Variants in ENOX2 observed in about 807,000 individuals in gnomAD.
ENOX2 encodes APK1 antigen.
ENOX2 carries 36 observed loss-of-function variants against 45.0 expected under a neutral mutation model. The ratio of observed to expected loss-of-function variants is 0.80; its 90% CI spans 0.61 to 1.06. The LOEUF (loss-of-function observed/expected upper bound fraction) is 1.06. Ranked by LOEUF, ENOX2 falls within the 50% of genes least tolerant of loss-of-function variation. The pLI, the probability that ENOX2 is intolerant of heterozygous loss-of-function variation, is 0.00. For synonymous variants in ENOX2, 174 were observed against 152.3 expected, an observed-to-expected ratio of 1.14 and a Z score of -1.05; for missense variants, 423 against 462.5, an observed-to-expected ratio of 0.91 and a Z score of 0.78.
Position 130,901,051 on chromosome X carries a change from G to A in ENOX2, c.-183+633C>T, listed in dbSNP as rs1405267896. ...AGAATCATCTAATTCAGAAATAGCC[G>A]TACTGACTATGGTTTTGGCAGACAC... is the stretch of plus-strand genomic sequence containing the variant. On this transcript the variant is annotated intron_variant, in intron 2 of 14. Transcript: ENST00000394363. Among the ~76,000 whole-genome samples, 9 of 112,737 alleles carry A rather than the reference G, an allele frequency of 8.0e-5. No individual in the cohort carries two copies. The Admixed American group carries it at 8.4e-4, about 11-fold the overall frequency.
intron 3 of ENOX2, among the ~76,000 whole-genome samples, chrX:130,732,921 C>G (rs1005762275): frequency 4.5e-5 from 5 of 111,520 alleles, no homozygotes; most frequent in African/African-American, 1.3e-4. Flanking sequence ...TGTAAAACTC[C>G]TAGATGAAAA....
intron 4 of ENOX2, among the ~76,000 whole-genome samples, chrX:130,696,789 C>T (rs1489517342): frequency 9.0e-6 from 1 of 111,131 alleles, no homozygotes; most frequent in Non-Finnish European, 1.9e-5. Flanking sequence ...TTAAAAGCTT[C>T]ACTTCCCCTG....
At chrX:130,768,121 C>G (rs2039657525) in intron 3 of ENOX2, among the ~76,000 whole-genome samples, 1 of 111,784 alleles carries the variant, frequency 8.9e-6, no homozygotes, top group Admixed American at 9.5e-5. Context: ...TTTCTTTTCT[C>G]TTCTTTCTCC....
chrX:130,753,535 C>T (rs5977368), intron 3 of ENOX2, among the ~76,000 whole-genome samples: 43,538 of 110,142 alleles, frequency 0.4, 9,867 homozygotes, highest in African/African-American at 0.87. Context: ...CCTTTATCCA[C>T]CTCTGTCCAT....
rs763561534 is a variant in ENOX2 at position 130,828,226 on chromosome X, A to G, written c.-182-44536T>C. Among the ~76,000 whole-genome samples the G allele has an allele frequency of 7.5e-4, 84 of 112,126 alleles. 1 individual carries two copies. Among genetic ancestry groups the G allele is most frequent in the African/African-American group, 2.6e-3 (81 of 30,987 alleles). On this transcript the variant is annotated intron_variant, in intron 2 of 14. Transcript: ENST00000394363. The stretch of plus-strand genomic sequence containing the variant: ...CTAACTAATCTGCTTTGTGGTCTCT[A>G]GTAAAGGTAATTTAGCTTCTGGGTT...
chrX:130,705,602 C>A (rs113252416), intron 3 of ENOX2, among the ~76,000 whole-genome samples: 6 of 111,868 alleles, frequency 5.4e-5, no homozygotes, highest in Middle Eastern at 4.6e-3. Flanking sequence ...CTTTAAATGT[C>A]CTTCTTATCT....
chrX:130,635,561 T>G (rs2035910481), intron 11 of ENOX2, among the ~76,000 whole-genome samples: 1 of 112,405 alleles, frequency 8.9e-6, no homozygotes, highest in African/African-American at 3.2e-5. Context: ...TATTTAGCAT[T>G]ATTAATAATT....
At chrX:130,668,022 G>A (rs779301632) in intron 7 of ENOX2, among the ~76,000 whole-genome samples, 1 of 109,208 alleles carries the variant, frequency 9.2e-6, no homozygotes, top group South Asian at 4.1e-4. Flanking sequence ...CTGATATATA[G>A]GTTTCATGTA....
At chrX:130,883,118 G>GT (rs1010963991) in intron 2 of ENOX2, among the ~76,000 whole-genome samples, 1 of 111,122 alleles carries the variant, frequency 9.0e-6, no homozygotes, top group Non-Finnish European at 1.9e-5. Flanking sequence ...GTTTTGTTTT[G>GT]TTTTTTTCTG....
chrX:130,681,550 A>C (rs909284054), intron 5 of ENOX2, among the ~76,000 whole-genome samples: 5 of 111,973 alleles, frequency 4.5e-5, no homozygotes, highest in African/African-American at 1.3e-4. Context: ...AGAGAGAAGG[A>C]ACATGAACTT....
In ENOX2 at chrX:130,875,413, G is replaced by A. The variant is rs779155725; in HGVS notation, c.-183+26271C>T. On this transcript the variant is annotated intron_variant, in intron 2 of 14. Coordinates refer to ENST00000394363, the MANE Select transcript of ENOX2 (RefSeq NM_006375.4). ...TCAAAAGAGTGTGGTACTGACATAA[G>A]GGCAGGCATATAGACAAAACAGTGT... Among the ~76,000 whole-genome samples, 19 of 111,223 alleles carry A rather than the reference G, an allele frequency of 1.7e-4. No homozygotes were observed. In the South Asian group the frequency reaches 3.0e-3, roughly 18 times the overall value.
chrX:130,653,921 G>T (rs1157013096), intron 10 of ENOX2, among the ~76,000 whole-genome samples: 2 of 111,915 alleles, frequency 1.8e-5, no homozygotes, highest in African/African-American at 6.5e-5. Context: ...CACCAGCATC[G>T]AAATCATTTA....
At chrX:130,770,213 G>A (rs1198770270) in intron 3 of ENOX2, among the ~76,000 whole-genome samples, 1 of 112,098 alleles carries the variant, frequency 8.9e-6, no homozygotes, top group Non-Finnish European at 1.9e-5. Flanking sequence ...AGCACCTGGA[G>A]CCTGTCTAGA....
At chrX:130,671,919 A>T (rs972356229) in intron 6 of ENOX2, among the ~76,000 whole-genome samples, 24 of 112,289 alleles carry the variant, frequency 2.1e-4, no homozygotes, top group Non-Finnish European at 3.0e-4. Context: ...AAACTTTAAT[A>T]AAAAAATTAC....
intron 2 of ENOX2, among the ~76,000 whole-genome samples, chrX:130,873,699 G>A (rs2078642391): frequency 8.9e-6 from 1 of 111,873 alleles, no homozygotes; most frequent in South Asian, 3.8e-4. Context: ...ATACACCATG[G>A]AATACTATGC....
At chrX:130,671,448 G>A (rs911705786) in intron 6 of ENOX2, among the ~76,000 whole-genome samples, 4 of 111,285 alleles carry the variant, frequency 3.6e-5, no homozygotes, top group Non-Finnish European at 5.7e-5. Context: ...GACAGGGCAC[G>A]ATGGTGTTCC....
intron 2 of ENOX2, among the ~76,000 whole-genome samples, chrX:130,818,556 G>A (rs746935986): frequency 5.9e-4 from 66 of 111,563 alleles, no homozygotes; most frequent in Middle Eastern, 4.7e-3. Context: ...CAGATATACA[G>A]ACCAATGGAA....
intron 3 of ENOX2, among the ~76,000 whole-genome samples, chrX:130,764,309 G>A (rs999608603): frequency 1.8e-5 from 2 of 110,703 alleles, no homozygotes; most frequent in Non-Finnish European, 3.8e-5. Context: ...ATTTTAAGAT[G>A]CTCATGGTTA....
intron 4 of ENOX2, among the ~76,000 whole-genome samples, chrX:130,701,845 T>G (rs750452965): frequency 8.9e-6 from 1 of 112,414 alleles, no homozygotes; most frequent in East Asian, 2.8e-4. Context: ...GGTTGTTCAT[T>G]TCAATTGTTG....
Sources: allele counts gnomAD v4.1 joint callset (sites outside exome capture counted in the v4.1 genomes callset), GRCh38; gene constraint gnomAD v4.1.1; transcripts MANE v1.5; gene names NCBI Gene and HGNC (gene_info 2026-07-23, HGNC 2026-07-21).